KCNS3: variants seen among roughly 807,000 people sequenced by gnomAD.
KCNS3 encodes the protein potassium voltage-gated channel modifier subfamily S member 3.
Under a neutral mutation model 31.0 loss-of-function variants are expected in KCNS3, and 13 were observed. That is an observed-to-expected ratio of 0.42 (90% CI 0.27 to 0.67). KCNS3 has a LOEUF of 0.67. Ranked by LOEUF, KCNS3 falls within the 30% of genes least tolerant of loss-of-function variation. KCNS3 has a pLI of 0.25. For synonymous variants in KCNS3, 238 were observed against 241.5 expected (o/e 0.99, Z 0.13); for missense variants, 545 against 622.4 (o/e 0.88, Z 1.32).
chr2:17,924,862 A>G lies in KCNS3; in HGVS notation c.-59-6088A>G, dbSNP rs116397141. 7.8e-3 allele frequency among the ~76,000 whole-genome samples: 1,184 copies of G among 152,294 alleles called. 13 individuals are homozygous for G. The highest frequency in any genetic ancestry group is 0.027 in the African/African-American group (1,114 of 41,558). On this transcript the variant is annotated intron_variant, in intron 2 of 2. Transcript: ENST00000304101. ...TATTAGGAGAATACTAGCTTCATAG[A>G]AGGAGCTGGGAAGTATGCCTTTCTC...
intron 1 of KCNS3, among the ~76,000 whole-genome samples, chr2:17,913,950 G>A (rs537244501): frequency 1.6e-4 from 25 of 152,302 alleles, no homozygotes; most frequent in Middle Eastern, 3.4e-3. Flanking sequence ...AATGTCAATA[G>A]TGCCGAGGCT....
intron 1 of KCNS3, among the ~76,000 whole-genome samples, chr2:17,904,977 T>C (rs1357276071): frequency 6.6e-6 from 1 of 151,782 alleles, no homozygotes; most frequent in Non-Finnish European, 1.5e-5. Context: ...TTTAAAGTAG[T>C]TTTTTCCAAT....
intron 1 of KCNS3, among the ~76,000 whole-genome samples, chr2:17,900,066 A>G (rs1377345132): frequency 6.6e-6 from 1 of 152,174 alleles, no homozygotes; most frequent in Non-Finnish European, 1.5e-5. Flanking sequence ...TCTGCTTTCC[A>G]TTTAACTATT....
At chr2:17,900,812 T>C (rs1662156527) in intron 1 of KCNS3, among the ~76,000 whole-genome samples, 1 of 152,184 alleles carries the variant, frequency 6.6e-6, no homozygotes, top group Non-Finnish European at 1.5e-5. Flanking sequence ...TTCTTTATTG[T>C]TCTAGAGTTT....
intron 1 of KCNS3, among the ~76,000 whole-genome samples, chr2:17,890,623 T>G (rs943757037): frequency 6.6e-6 from 1 of 152,192 alleles, no homozygotes; most frequent in Non-Finnish European, 1.5e-5. Flanking sequence ...TGATAGTTTG[T>G]GTCATCATTG....
Position 17,932,276 on chromosome 2 carries a change from A to G in KCNS3, c.1268A>G (p.Gln423Arg), listed in dbSNP as rs1663014805. The change falls in exon 3 of 3, where the codon CAG becomes CGG. Residue 423 changes from glutamine to arginine, a missense_variant. Gln to Arg is a conservative substitution (Grantham distance 43, BLOSUM62 1). Transcript: ENST00000304101. Reference protein sequence around the residue: ...YQKQKDIDVDQCSEDAPEKCH... With the variant: ...YQKQKDIDVDRCSEDAPEKCH... ...AAGCAAAAGGACATTGATGTGGACC[A>G]GTGCAGTGAGGATGCACCAGAGAAG... 6.2e-7 allele frequency: 1 copy of G among 1,613,848 alleles called. No individual in the cohort carries two copies.
At chr2:17,911,557 G>C (rs1020628632) in intron 1 of KCNS3, among the ~76,000 whole-genome samples, 4 of 152,072 alleles carry the variant, frequency 2.6e-5, no homozygotes, top group Non-Finnish European at 5.9e-5. Flanking sequence ...ACACAATGTT[G>C]AGATGTAGAG....
chr2:17,897,978 A>G (rs1027488633), intron 1 of KCNS3, among the ~76,000 whole-genome samples: 5 of 152,120 alleles, frequency 3.3e-5, no homozygotes, highest in Admixed American at 2.0e-4. Context: ...ATTTTTGTAC[A>G]TGGTTATAAG....
At chr2:17,892,599 G>T (rs1661886366) in intron 1 of KCNS3, among the ~76,000 whole-genome samples, 1 of 152,168 alleles carries the variant, frequency 6.6e-6, no homozygotes, top group Non-Finnish European at 1.5e-5. Context: ...GAAGGCTGTT[G>T]TTCAGATTCT....
Position 17,932,337 on chromosome 2 carries a change from A to G in KCNS3, c.1329A>G (p.Ile443Met), listed in dbSNP as rs754586395. 5 of 1,614,088 alleles carry G rather than the reference A, an allele frequency of 3.1e-6. No individual in the cohort carries two copies. The highest frequency in any genetic ancestry group is 1.1e-5 in the South Asian group (1 of 91,070). ...HELPYFNIRD[I>M]YAQRMHTFIT... Reference sequence around the variant, plus strand: ...TACCTTACTTTAACATTAGGGATATATATGCACAGCGGATGCACACCTTCA... The same window carrying G: ...TACCTTACTTTAACATTAGGGATATGTATGCACAGCGGATGCACACCTTCA... Residue 443 changes from isoleucine to methionine, a missense_variant, in exon 3 of 3, where the codon ATA (isoleucine) becomes ATG (methionine). Transcript: ENST00000304101.
At chr2:17,901,396 G>A (rs1398684641) in intron 1 of KCNS3, among the ~76,000 whole-genome samples, 2 of 152,184 alleles carry the variant, frequency 1.3e-5, no homozygotes, top group African/African-American at 4.8e-5. Flanking sequence ...CTGGCTGGCT[G>A]CCAACAGGCC....
At chr2:17,880,104 C>G (rs1344144900) in intron 1 of KCNS3, among the ~76,000 whole-genome samples, 2 of 152,196 alleles carry the variant, frequency 1.3e-5, no homozygotes, top group Non-Finnish European at 2.9e-5. Context: ...TAGTTGCCCC[C>G]CTTCTTAGAC....
rs1419250537 is a variant in KCNS3, at chr2:17,921,911, GTGTGTATATATATA to G, written c.-60+4042_-60+4055del. ...CTGATTTTCATATATATGTGTGTGTGTGTGTATATATATATATATATATATATATATATATATAT... is the reference window on the plus strand; with the variant it reads ...CTGATTTTCATATATATGTGTGTGTGTATATATATATATATATATATATAT... On this transcript the variant is annotated intron_variant, in intron 2 of 2. Coordinates refer to ENST00000304101, the MANE Select transcript of KCNS3 (RefSeq NM_002252.5). Among the ~76,000 whole-genome samples the G allele has an allele frequency of 4.0e-3, 404 of 100,430 alleles. 8 individuals are homozygous for G. The highest frequency in any genetic ancestry group is 0.013 in the African/African-American group (324 of 24,760). The allele number at this position is 100,430 out of a possible 152,430, so 65.9% of individuals were successfully genotyped here.
At chr2:17,920,176 G>A (rs1022675725) in intron 2 of KCNS3, among the ~76,000 whole-genome samples, 1 of 152,148 alleles carries the variant, frequency 6.6e-6, no homozygotes, top group Non-Finnish European at 1.5e-5. Context: ...GATTAATGTA[G>A]ATTTTTGGAC....
At chr2:17,901,126 G>A (rs149894064) in intron 1 of KCNS3, among the ~76,000 whole-genome samples, 2 of 152,278 alleles carry the variant, frequency 1.3e-5, no homozygotes, top group South Asian at 2.1e-4. Context: ...GGCCGAAAGA[G>A]CCATGTGGGG....
At chr2:17,880,872 A>G (rs1674630969) in intron 1 of KCNS3, among the ~76,000 whole-genome samples, 1 of 152,184 alleles carries the variant, frequency 6.6e-6, no homozygotes, top group Non-Finnish European at 1.5e-5. Context: ...TTCTTCACAG[A>G]CGTGCATCCC....
At chr2:17,902,954 A>G (rs1572488117) in intron 1 of KCNS3, among the ~76,000 whole-genome samples, 1 of 152,202 alleles carries the variant, frequency 6.6e-6, no homozygotes, top group African/African-American at 2.4e-5. Flanking sequence ...TGTATATTAG[A>G]ACTTATCTAT....
intron 1 of KCNS3, among the ~76,000 whole-genome samples, chr2:17,897,623 G>T (rs1186844266): frequency 1.3e-5 from 2 of 152,104 alleles, no homozygotes; most frequent in Non-Finnish European, 2.9e-5. Context: ...TGTTAATGGG[G>T]TTATTTGTTC....
At chr2:17,921,915 G>GTATA (rs56064218) in intron 2 of KCNS3, among the ~76,000 whole-genome samples, 1,737 of 31,886 alleles carry the variant, frequency 0.054, 17 homozygotes, top group Non-Finnish European at 0.064. Context: ...GTGTGTGTGT[G>GTATA]TATATATATA....
Sources: gnomAD v4.1 joint callset for allele counts (sites outside exome capture counted in the v4.1 genomes callset) on GRCh38, gnomAD v4.1.1 for gene constraint, MANE v1.5 for transcripts, NCBI Gene and HGNC (gene_info 2026-07-23, HGNC 2026-07-21) for gene names.